LRRC7: variants seen among roughly 807,000 people sequenced by gnomAD.
LRRC7 encodes the protein leucine-rich repeat-containing protein 7.
In LRRC7, 23 loss-of-function variants were observed where a neutral mutation model predicts 175.7. That is an observed-to-expected ratio of 0.13 (90% confidence interval 0.09 to 0.19). LRRC7 has a LOEUF of 0.19. Among genes scored for constraint, LRRC7 ranks in the 10% least tolerant of loss-of-function variants. LRRC7 has a pLI of 1.00. For synonymous variants in LRRC7, 685 were observed against 680.9 expected, an observed-to-expected ratio of 1.01 and a Z score of -0.09; for missense variants, 1,354 against 1,904.7, an observed-to-expected ratio of 0.71 and a Z score of 5.38.
At chr1:70,051,046 A>G (rs2102058723) in intron 22 of LRRC7, among the ~76,000 whole-genome samples, 1 of 152,082 alleles carries the variant, frequency 6.6e-6, no homozygotes, top group African/African-American at 2.4e-5. Context: ...TCTAATTTTG[A>G]AAAGAACTAG....
chr1:69,995,124 T>A (rs1654809327), intron 11 of LRRC7, among the ~76,000 whole-genome samples: 1 of 152,190 alleles, frequency 6.6e-6, no homozygotes, highest in Non-Finnish European at 1.5e-5. Context: ...GCTAGCATTT[T>A]TTAAAACTTC....
intron 2 of LRRC7, among the ~76,000 whole-genome samples, chr1:69,747,224 G>C (rs1047369818): frequency 5.3e-5 from 8 of 152,156 alleles, no homozygotes; most frequent in African/African-American, 1.9e-4. Flanking sequence ...ACAGGGATTG[G>C]AGGGAAATTT....
intron 18 of LRRC7, chr1:70,031,289 A>G (rs531929759): frequency 3.3e-5 from 5 of 152,304 alleles, no homozygotes; most frequent in African/African-American, 9.6e-5. Flanking sequence ...GTCCAGTATA[A>G]TGACTCTGGT....
chr1:69,662,401 G>A lies in LRRC7; in HGVS notation c.3-15980G>A, dbSNP rs117670538. 8.5e-4 allele frequency among the ~76,000 whole-genome samples: 130 copies of A among 152,286 alleles called. 2 individuals carry two copies. In the East Asian group the frequency reaches 0.021, roughly 24 times the overall value. ...TCTTTATAAATAAAGTGAGAATAAT[G>A]TACTATTGTGTTTGCTATTTTCCTA... is the stretch of plus-strand genomic sequence containing the variant. On this transcript the variant is annotated intron_variant, in intron 1 of 26. Transcript: ENST00000651989.
rs146301905 is a variant in LRRC7 at position 69,956,705 on chromosome 1, G to C, written c.712-23674G>C. Among the ~76,000 whole-genome samples, 722 of 151,616 alleles carry C rather than the reference G, an allele frequency of 4.8e-3. 5 individuals are homozygous for C. Among genetic ancestry groups the C allele is most frequent in the African/African-American group, 0.016 (656 of 41,424 alleles). On this transcript the variant is annotated intron_variant, in intron 8 of 26. Coordinates refer to ENST00000651989, the MANE Select transcript of LRRC7 (RefSeq NM_001370785.2). ...TGAAGAATAAAAATTAGAATGTATT[G>C]TAAAAATAGGATATAACATATTCAG...
chr1:69,927,746 G>A (rs1647132199), intron 7 of LRRC7, among the ~76,000 whole-genome samples: 1 of 152,010 alleles, frequency 6.6e-6, no homozygotes, highest in Admixed American at 6.6e-5. Flanking sequence ...CTTTGCCTTT[G>A]GTTTGAATTT....
rs113459441 is a variant in LRRC7, at chr1:69,655,227, T to C, written c.3-23154T>C. On this transcript the variant is annotated intron_variant, in intron 1 of 26. Transcript: ENST00000651989. ...TACTACTAAGACAGTTGATAAGTTATGGGTTACATTCAAGTAACCACCCAA... is the reference window on the plus strand; with the variant it reads ...TACTACTAAGACAGTTGATAAGTTACGGGTTACATTCAAGTAACCACCCAA... 2.7e-3 allele frequency among the ~76,000 whole-genome samples: 405 copies of C among 148,840 alleles called. 3 individuals are homozygous for C. The highest frequency in any genetic ancestry group is 3.7e-3 in the Non-Finnish European group (249 of 67,220).
chr1:69,844,280 G>A (rs936795050), intron 7 of LRRC7, among the ~76,000 whole-genome samples: 8 of 152,072 alleles, frequency 5.3e-5, no homozygotes, highest in African/African-American at 1.9e-4. Flanking sequence ...TAGGCACAAT[G>A]TTGGACAGCA....
At chr1:69,998,462 T>A (rs1221445045) in intron 11 of LRRC7, among the ~76,000 whole-genome samples, 3 of 152,180 alleles carry the variant, frequency 2.0e-5, no homozygotes, top group Non-Finnish European at 4.4e-5. Context: ...TGTGTTTCTC[T>A]GTACAGTTAC....
At chr1:70,035,428 CAAAG>C (rs1168073021) in intron 18 of LRRC7, among the ~76,000 whole-genome samples, 3 of 151,630 alleles carry the variant, frequency 2.0e-5, no homozygotes, top group African/African-American at 4.9e-5. Flanking sequence ...TCGTTACACT[CAAAG>C]AAGGGATATA....
intron 8 of LRRC7, among the ~76,000 whole-genome samples, chr1:69,946,170 G>A (rs932944610): frequency 1.3e-5 from 2 of 152,096 alleles, no homozygotes; most frequent in Non-Finnish European, 2.9e-5. Flanking sequence ...TTTGTTAAGA[G>A]TTTTTATCAT....
intron 25 of LRRC7, among the ~76,000 whole-genome samples, chr1:70,091,946 C>T (rs1381592138): frequency 6.6e-6 from 1 of 152,102 alleles, no homozygotes; most frequent in East Asian, 1.9e-4. Context: ...AGAAGAATCT[C>T]AATACTGCCT....
chr1:70,089,244 A>G (rs1380701524), intron 24 of LRRC7, among the ~76,000 whole-genome samples: 1 of 152,156 alleles, frequency 6.6e-6, no homozygotes, highest in African/African-American at 2.4e-5. Flanking sequence ...AGAATTATCT[A>G]ACAAGGAGAT....
At chr1:69,750,437 A>G (rs577562309) in intron 2 of LRRC7, among the ~76,000 whole-genome samples, 1 of 152,334 alleles carries the variant, frequency 6.6e-6, no homozygotes, top group Non-Finnish European at 1.5e-5. Flanking sequence ...CCCCATAAAT[A>G]TGTACAACCA....
At chr1:70,020,820 A>G in intron 15 of LRRC7, 185 bp from the exon 16 acceptor site, 1 of 395,644 alleles carries the variant, frequency 2.5e-6, no homozygotes, top group Non-Finnish European at 4.3e-6. Flanking sequence ...ACAAAAGACC[A>G]TGTAATAAAT....
intron 2 of LRRC7, among the ~76,000 whole-genome samples, chr1:69,746,768 T>C (rs1416256028): frequency 6.6e-6 from 1 of 152,106 alleles, no homozygotes; most frequent in Non-Finnish European, 1.5e-5. Flanking sequence ...CTAGGTTCTA[T>C]AGATGTCAGA....
At chr1:70,057,469 T>C (rs912101221) in intron 23 of LRRC7, among the ~76,000 whole-genome samples, 5 of 152,234 alleles carry the variant, frequency 3.3e-5, no homozygotes, top group African/African-American at 1.2e-4. Flanking sequence ...GCAGTTAGGC[T>C]AGACATAATG....
intron 2 of LRRC7, among the ~76,000 whole-genome samples, chr1:69,700,281 A>C (rs989123540): frequency 2.6e-5 from 4 of 152,174 alleles, no homozygotes; most frequent in Non-Finnish European, 4.4e-5. Flanking sequence ...TCCTCGCCTC[A>C]ATTTCCTCTT....
chr1:69,869,910 C>T (rs536409918), intron 7 of LRRC7, among the ~76,000 whole-genome samples: 3 of 152,222 alleles, frequency 2.0e-5, no homozygotes, highest in Admixed American at 6.5e-5. Context: ...TATGATATTT[C>T]ATTTTGAGAT....
Sources: allele counts gnomAD v4.1 joint callset (sites outside exome capture counted in the v4.1 genomes callset), GRCh38; gene constraint gnomAD v4.1.1; transcripts MANE v1.5; gene names NCBI Gene and HGNC (gene_info 2026-07-23, HGNC 2026-07-21).